VWA8: variants seen among roughly 807,000 people sequenced by gnomAD.
The protein encoded by VWA8 is von Willebrand factor A domain-containing protein 8.
In VWA8, 221 loss-of-function variants were observed where a neutral mutation model predicts 241.5. The observed-to-expected ratio is 0.91, with a 90% confidence interval of 0.82 to 1.02. VWA8 has a LOEUF of 1.02. Ranked by LOEUF, VWA8 falls within the 50% of genes least tolerant of loss-of-function variation. The probability of loss-of-function intolerance (pLI) is 0.00; values close to 1 mark genes in which losing one functional copy is unlikely to be tolerated. For synonymous variants in VWA8, 852 were observed against 827.1 expected, an observed-to-expected ratio of 1.03 and a Z score of -0.52; for missense variants, 2,322 against 2,328.7, an observed-to-expected ratio of 1.00 and a Z score of 0.06.
intron 21 of VWA8, among the ~76,000 whole-genome samples, chr13:41,733,280 T>C (rs1287965189): frequency 8.5e-5 from 13 of 152,244 alleles, no homozygotes; most frequent in Non-Finnish European, 1.9e-4. Context: ...AATAACTGTT[T>C]TGCTTTTAGT....
chr13:41,664,216 C>A lies in VWA8; in HGVS notation c.4611+6730G>T, dbSNP rs138923959. On this transcript the variant is annotated intron_variant, in intron 37 of 44. Transcript: ENST00000379310. Reference sequence around the variant, plus strand: ...TGGATATAAATTCTAGCCGGAAATCCTTTTCCCTCTTTGATTTTCTCTTTA... The same window carrying A: ...TGGATATAAATTCTAGCCGGAAATCATTTTCCCTCTTTGATTTTCTCTTTA... Among the ~76,000 whole-genome samples the A allele has an allele frequency of 2.0e-3, 308 of 152,078 alleles. 2 individuals are homozygous for A. Among genetic ancestry groups the A allele is most frequent in the South Asian group, 0.011 (51 of 4,812 alleles).
chr13:41,680,046 T>TC (rs758840548), intron 35 of VWA8, among the ~76,000 whole-genome samples: 3 of 151,876 alleles, frequency 2.0e-5, no homozygotes, highest in Admixed American at 2.0e-4. Flanking sequence ...GATTTTCCCA[T>TC]CCCCCCAAAC....
intron 2 of VWA8, chr13:41,926,416 C>G: frequency 1.9e-6 from 1 of 533,114 alleles, no homozygotes; most frequent in Non-Finnish European, 3.7e-6. Flanking sequence ...AACATCATCC[C>G]GGGGGAGCTG....
chr13:41,911,995 C>A, intron 3 of VWA8, 43 bp downstream of exon 3: 1 of 1,451,910 alleles, frequency 6.9e-7, no homozygotes, highest in Non-Finnish European at 9.1e-7. Flanking sequence ...TCATAGCTTA[C>A]AAAGTTAAGA....
intron 9 of VWA8, among the ~76,000 whole-genome samples, chr13:41,874,075 G>A (rs1203177345): frequency 2.0e-5 from 3 of 151,796 alleles, no homozygotes; most frequent in African/African-American, 7.3e-5. Flanking sequence ...CAGAGCCAAA[G>A]ACAAAAACCA....
chr13:41,593,271 T>C (rs962787270), intron 40 of VWA8, among the ~76,000 whole-genome samples: 2 of 152,178 alleles, frequency 1.3e-5, no homozygotes, highest in East Asian at 1.9e-4. Flanking sequence ...CACCAGCATA[T>C]AGATTATTAA....
intron 2 of VWA8, among the ~76,000 whole-genome samples, chr13:41,949,390 CTG>C (rs945136492): frequency 1.3e-4 from 19 of 151,940 alleles, no homozygotes; most frequent in South Asian, 2.1e-4. Flanking sequence ...AAACCAAACA[CTG>C]TATGTTCTCA....
At chr13:41,837,656 A>G (rs2138010729) in intron 12 of VWA8, among the ~76,000 whole-genome samples, 1 of 152,338 alleles carries the variant, frequency 6.6e-6, no homozygotes, top group South Asian at 2.1e-4. Context: ...GGAGTTGTGA[A>G]AAATATATAT....
intron 9 of VWA8, among the ~76,000 whole-genome samples, chr13:41,876,850 T>C (rs939104225): frequency 5.9e-5 from 9 of 152,050 alleles, no homozygotes; most frequent in Admixed American, 3.9e-4. Context: ...TCTGCTTCTA[T>C]CTCTAACCAC....
intron 17 of VWA8, 144 bp downstream of exon 17, chr13:41,811,081 A>C (rs771897775): frequency 2.3e-4 from 145 of 620,228 alleles, no homozygotes; most frequent in Non-Finnish European, 3.6e-4. Flanking sequence ...AATAAGTTCT[A>C]ATCAGTGAAG....
intron 4 of VWA8, among the ~76,000 whole-genome samples, chr13:41,902,504 A>G (rs2138100339): frequency 6.6e-6 from 1 of 152,318 alleles, no homozygotes; most frequent in African/African-American, 2.4e-5. Context: ...CTAAAACATA[A>G]GCTCTATAAC....
chr13:41,741,494 C>G (rs2045568839), intron 21 of VWA8, among the ~76,000 whole-genome samples: 3 of 152,196 alleles, frequency 2.0e-5, no homozygotes, highest in Non-Finnish European at 4.4e-5. Context: ...CCCAGCTGAA[C>G]TATTGTTCTA....
At chr13:41,937,109 G>C (rs1877386498) in intron 2 of VWA8, among the ~76,000 whole-genome samples, 2 of 152,126 alleles carry the variant, frequency 1.3e-5, no homozygotes, top group African/African-American at 4.8e-5. Context: ...TGTACCCTAG[G>C]AACAATAGGC....
At chr13:41,950,745 C>T (rs753978652) in intron 1 of VWA8, among the ~76,000 whole-genome samples, 3 of 147,328 alleles carry the variant, frequency 2.0e-5, no homozygotes, top group Admixed American at 6.8e-5. Flanking sequence ...CTTGGCTCAC[C>T]GCAACTTCCG....
chr13:41,883,189 C>G lies in VWA8; in HGVS notation c.1080+198G>C, dbSNP rs1874346374. 2.0e-5 allele frequency among the ~76,000 whole-genome samples: 3 copies of G among 152,264 alleles called. No individual in the cohort carries two copies. The South Asian group carries it at 6.2e-4, about 32-fold the overall frequency. Reference sequence around the variant, plus strand: ...CACCAGCCCCTGTGTGTTTGCTGCCCTATTTATCACAGCTGTCTTCTTGTT... The same window carrying G: ...CACCAGCCCCTGTGTGTTTGCTGCCGTATTTATCACAGCTGTCTTCTTGTT... On this transcript the variant is annotated intron_variant, in intron 9 of 44. Coordinates refer to ENST00000379310, the MANE Select transcript of VWA8 (RefSeq NM_015058.2).
chr13:41,770,071 C>T lies in VWA8; in HGVS notation c.2349+7914G>A, dbSNP rs749081754. ...TGAAAGTCGGCAGAATTTTCACAGG[C>T]GAAGATGAGAGTAAGAGGCACCATA... On this transcript the variant is annotated intron_variant, in intron 20 of 44. Transcript: ENST00000379310. Among the ~76,000 whole-genome samples, 5 of 152,034 alleles carry T rather than the reference C, an allele frequency of 3.3e-5. No homozygotes were observed. In the South Asian group the frequency reaches 6.2e-4, roughly 19 times the overall value.
intron 19 of VWA8, 79 bp downstream of exon 19, chr13:41,783,716 A>T: frequency 1.1e-6 from 1 of 949,464 alleles, no homozygotes; most frequent in Non-Finnish European, 1.6e-6. Context: ...AAAAATAATT[A>T]CATGTCAATT....
chr13:41,915,740 C>T (rs1876219690), intron 2 of VWA8, among the ~76,000 whole-genome samples: 1 of 152,116 alleles, frequency 6.6e-6, no homozygotes, highest in Admixed American at 6.5e-5. Flanking sequence ...ATATCTAAGG[C>T]TCTCATCATC....
intron 12 of VWA8, among the ~76,000 whole-genome samples, chr13:41,835,725 C>T (rs1387968000): frequency 6.6e-6 from 1 of 151,818 alleles, no homozygotes; most frequent in African/African-American, 2.4e-5. Flanking sequence ...TATACATGTG[C>T]ATATAAATAT....
Sources: gnomAD v4.1 joint callset for allele counts (sites outside exome capture counted in the v4.1 genomes callset) on GRCh38, gnomAD v4.1.1 for gene constraint, MANE v1.5 for transcripts, NCBI Gene and HGNC (gene_info 2026-07-23, HGNC 2026-07-21) for gene names.